Variants in CDH12 observed in about 807,000 individuals in gnomAD.
CDH12 encodes the protein cadherin 12, also known as cadherin-12.
Under a neutral mutation model 74.1 loss-of-function variants are expected in CDH12, and 41 were observed. The ratio of observed to expected loss-of-function variants is 0.55; its 90% CI spans 0.43 to 0.72. CDH12 has a LOEUF of 0.72. Among genes scored for constraint, CDH12 ranks in the 30% least tolerant of loss-of-function variants. The pLI, the probability that CDH12 is intolerant of heterozygous loss-of-function variation, is 0.00. For missense variants in CDH12, 945 were observed against 977.2 expected (o/e 0.97, Z 0.44); for synonymous variants, 399 against 355.0 (o/e 1.12, Z -1.39).
intron 2 of CDH12, among the ~76,000 whole-genome samples, chr5:22,467,051 C>T (rs1580679416): frequency 6.6e-6 from 1 of 152,026 alleles, no homozygotes; most frequent in East Asian, 1.9e-4. Flanking sequence ...TCTCAAATTG[C>T]TGGGATTACA....
At chr5:22,016,448 T>G (rs1737613930) in intron 5 of CDH12, among the ~76,000 whole-genome samples, 1 of 152,032 alleles carries the variant, frequency 6.6e-6, no homozygotes, top group South Asian at 2.1e-4. Flanking sequence ...CAGGCTAGAG[T>G]GCAGTGGTGC....
intron 1 of CDH12, among the ~76,000 whole-genome samples, chr5:22,624,191 C>T (rs1738144496): frequency 6.6e-6 from 1 of 152,056 alleles, no homozygotes; most frequent in Admixed American, 6.6e-5. Flanking sequence ...AATGTTAGAC[C>T]TAAAACCATA....
intron 1 of CDH12, among the ~76,000 whole-genome samples, chr5:22,826,987 A>G (rs1736367914): frequency 6.6e-6 from 1 of 152,228 alleles, no homozygotes; most frequent in Non-Finnish European, 1.5e-5. Flanking sequence ...GTCAATTCCC[A>G]AGACAATGGG....
chr5:21,802,453 A>G (rs200649568), intron 9 of CDH12, 33 bp from the exon 10 acceptor site: 2 of 1,566,186 alleles, frequency 1.3e-6, no homozygotes, highest in East Asian at 4.5e-5. Context: ...ATAAGGAGTA[A>G]ATTTATATAG....
intron 6 of CDH12, among the ~76,000 whole-genome samples, chr5:21,885,449 T>C (rs907802674): frequency 3.9e-5 from 6 of 152,152 alleles, no homozygotes; most frequent in African/African-American, 1.4e-4. Context: ...GGGTAGCTGA[T>C]AGCATCACCC....
chr5:22,383,500 T>G (rs547080097), intron 3 of CDH12, among the ~76,000 whole-genome samples: 1 of 152,196 alleles, frequency 6.6e-6, no homozygotes. Flanking sequence ...CAAGACAGCA[T>G]GTGTGGGTTT....
intron 4 of CDH12, chr5:22,152,404 T>C (rs1383031526): frequency 6.6e-6 from 1 of 152,188 alleles, no homozygotes; most frequent in Non-Finnish European, 1.5e-5. Context: ...GGAAGACAGA[T>C]GAAATGATTT....
chr5:22,493,554 GTTTTTTTGGT>G (rs571958308), intron 2 of CDH12, among the ~76,000 whole-genome samples: 192 of 98,106 alleles, frequency 2.0e-3, no homozygotes, highest in Non-Finnish European at 3.1e-3. Flanking sequence ...TTCAAAAATA[GTTTTTTTGGT>G]TTTTTTTGAA....
At chr5:22,800,193 C>T (rs1436716672) in intron 1 of CDH12, among the ~76,000 whole-genome samples, 1 of 152,082 alleles carries the variant, frequency 6.6e-6, no homozygotes, top group Non-Finnish European at 1.5e-5. Context: ...TCAATTTTGA[C>T]TTGTATATTT....
At chr5:22,397,945 T>C (rs1250988826) in intron 3 of CDH12, among the ~76,000 whole-genome samples, 2 of 151,908 alleles carry the variant, frequency 1.3e-5, no homozygotes, top group East Asian at 3.9e-4. Flanking sequence ...TCAGAAGAAA[T>C]AAACCCTGCT....
chr5:22,167,899 A>G lies in CDH12; in HGVS notation c.-187+44599T>C, dbSNP rs565033991. ...GGGTGACATCATCCTTTACTTTCTC[A>G]ATCATCTTGATTTTCCTCAAACTCT... is the stretch of plus-strand genomic sequence containing the variant. On this transcript the variant is annotated intron_variant, in intron 4 of 14. Coordinates refer to ENST00000382254, the MANE Select transcript of CDH12 (RefSeq NM_004061.5). Among the ~76,000 whole-genome samples, 7 of 152,144 alleles carry G rather than the reference A, an allele frequency of 4.6e-5. No individual in the cohort carries two copies. The East Asian group carries it at 1.4e-3, about 29-fold the overall frequency.
intron 1 of CDH12, among the ~76,000 whole-genome samples, chr5:22,599,895 G>A (rs1736775917): frequency 6.6e-6 from 1 of 152,040 alleles, no homozygotes; most frequent in African/African-American, 2.4e-5. Context: ...GAACACTTTG[G>A]AAAATGGCCA....
intron 1 of CDH12, among the ~76,000 whole-genome samples, chr5:22,555,134 A>C (rs1406526565): frequency 6.6e-6 from 1 of 152,088 alleles, no homozygotes; most frequent in African/African-American, 2.4e-5. Flanking sequence ...TTTCCTTCCC[A>C]ACCATCCAGT....
intron 2 of CDH12, among the ~76,000 whole-genome samples, chr5:22,443,527 T>C (rs184526229): frequency 1.2e-3 from 181 of 152,280 alleles, no homozygotes; most frequent in African/African-American, 4.3e-3. Context: ...TGGAGATTTA[T>C]TAATCCAGTC....
At chr5:22,541,016 G>A (rs954794638) in intron 1 of CDH12, among the ~76,000 whole-genome samples, 1 of 152,154 alleles carries the variant, frequency 6.6e-6, no homozygotes, top group South Asian at 2.1e-4. Flanking sequence ...ACTTGGAGAG[G>A]GAAAGATGTT....
chr5:22,046,135 T>C (rs1410749653), intron 5 of CDH12, among the ~76,000 whole-genome samples: 1 of 152,188 alleles, frequency 6.6e-6, no homozygotes, highest in East Asian at 1.9e-4. Context: ...CGTTTACTTG[T>C]TCAAGTAGTG....
chr5:21,781,249 T>C (rs925124397), intron 11 of CDH12, among the ~76,000 whole-genome samples: 1 of 152,170 alleles, frequency 6.6e-6, no homozygotes, highest in African/African-American at 2.4e-5. Flanking sequence ...CCAAAAAGCC[T>C]GCCTGCTAAG....
chr5:21,751,378 C>T lies in CDH12; in HGVS notation c.*359G>A, dbSNP rs1038797665. ...TAGTGGAATTAAGAAAAATCTAACA[C>T]TCTTCCACCGTGATGCCACATAGCT... On this transcript the variant is annotated 3_prime_UTR_variant, in exon 15 of 15. Transcript: ENST00000382254. The T allele has an allele frequency of 2.4e-5, 5 of 210,488 alleles. No individual in the cohort carries two copies. In the Admixed American group the frequency reaches 2.6e-4, roughly 11 times the overall value. 13.0% of individuals were successfully genotyped at this position (210,488 alleles called of 1,614,324 possible).
intron 3 of CDH12, among the ~76,000 whole-genome samples, chr5:22,316,383 G>T (rs1289285418): frequency 6.6e-6 from 1 of 152,054 alleles, no homozygotes; most frequent in Admixed American, 6.6e-5. Flanking sequence ...GTTTGTAGAA[G>T]ACTGCCTTTG....
Sources: allele counts gnomAD v4.1 joint callset (sites outside exome capture counted in the v4.1 genomes callset), GRCh38; gene constraint gnomAD v4.1.1; transcripts MANE v1.5; gene names NCBI Gene and HGNC (gene_info 2026-07-23, HGNC 2026-07-21).